Variants in AKAP6 observed in about 807,000 individuals in gnomAD.
AKAP6 encodes A-kinase anchoring protein 6.
AKAP6 carries 58 observed loss-of-function variants against 188.5 expected under a neutral mutation model. The observed-to-expected ratio is 0.31, with a 90% confidence interval of 0.25 to 0.38. The LOEUF is 0.38. Among genes scored for constraint, AKAP6 ranks in the 10% least tolerant of loss-of-function variants. AKAP6 has a pLI of 1.00. For synonymous variants in AKAP6, 989 were observed against 998.6 expected (o/e 0.99, Z 0.18); for missense variants, 2,710 against 2,740.0 (o/e 0.99, Z 0.24).
intron 1 of AKAP6, among the ~76,000 whole-genome samples, chr14:32,342,802 T>G (rs1043349084): frequency 3.9e-5 from 6 of 152,214 alleles, no homozygotes; most frequent in Non-Finnish European, 8.8e-5. Context: ...AAATTCTGTC[T>G]GATCGGAGAA....
chr14:32,712,563 A>G (rs2029945444), intron 9 of AKAP6, among the ~76,000 whole-genome samples: 1 of 152,104 alleles, frequency 6.6e-6, no homozygotes, highest in Admixed American at 6.6e-5. Flanking sequence ...AACTAAGCTT[A>G]TGTAATATTC....
At chr14:32,715,964 A>C (rs1173355890) in intron 9 of AKAP6, among the ~76,000 whole-genome samples, 4 of 151,822 alleles carry the variant, frequency 2.6e-5, no homozygotes, top group African/African-American at 9.7e-5. Flanking sequence ...TTACTATGTA[A>C]CAGAAATTGT....
intron 9 of AKAP6, among the ~76,000 whole-genome samples, chr14:32,704,715 A>G (rs892263582): frequency 6.6e-6 from 1 of 152,202 alleles, no homozygotes; most frequent in Non-Finnish European, 1.5e-5. Context: ...TTTAAAGATG[A>G]AAACCAAATA....
chr14:32,726,891 C>T lies in AKAP6; in HGVS notation c.3001-5563C>T, dbSNP rs1201311630. On this transcript the variant is annotated intron_variant, in intron 9 of 13. Transcript: ENST00000280979. ...TCCAACTGCTTCTTTTCATTCTACT[C>T]AATTCAGGCTAGGAGGATCAATCAA... Among the ~76,000 whole-genome samples, 4 of 152,178 alleles carry T rather than the reference C, an allele frequency of 2.6e-5. No homozygotes were observed. In the East Asian group the frequency reaches 7.7e-4, roughly 29 times the overall value.
chr14:32,508,632 A>G (rs1880992187), intron 2 of AKAP6, among the ~76,000 whole-genome samples: 1 of 152,242 alleles, frequency 6.6e-6, no homozygotes, highest in African/African-American at 2.4e-5. Flanking sequence ...TTGAACATTC[A>G]TAAAATGAAA....
At chr14:32,743,139 T>G (rs2139871006) in intron 11 of AKAP6, among the ~76,000 whole-genome samples, 1 of 152,234 alleles carries the variant, frequency 6.6e-6, no homozygotes, top group Non-Finnish European at 1.5e-5. Context: ...GGTCTCTTCT[T>G]ATAGTTTTTG....
At position 32,769,377 on chromosome 14, in the gene AKAP6, C is replaced by T. The variant is rs146134911; in HGVS notation, c.3373-4301C>T. On this transcript the variant is annotated intron_variant, in intron 11 of 13. Transcript: ENST00000280979. ...TTGATAATATTTAAACTAGAAGTCA[C>T]CTGTGTTTGTTCACACTTCCCTTCT... is the stretch of plus-strand genomic sequence containing the variant. 3.9e-4 allele frequency among the ~76,000 whole-genome samples: 59 copies of T among 152,032 alleles called. 1 individual carries two copies. The highest frequency in any genetic ancestry group is 4.9e-4 in the Non-Finnish European group (33 of 67,976).
At chr14:32,632,226 T>A (rs1465651144) in intron 7 of AKAP6, among the ~76,000 whole-genome samples, 4 of 152,074 alleles carry the variant, frequency 2.6e-5, no homozygotes, top group Admixed American at 2.6e-4. Flanking sequence ...GAAAAACATA[T>A]GTCGAATTAT....
At chr14:32,367,124 G>A (rs1887861262) in intron 1 of AKAP6, among the ~76,000 whole-genome samples, 1 of 152,146 alleles carries the variant, frequency 6.6e-6, no homozygotes, top group Non-Finnish European at 1.5e-5. Context: ...CCCCTGGACT[G>A]GCTCCCATGA....
chr14:32,563,910 C>T (rs1884074786), intron 4 of AKAP6, among the ~76,000 whole-genome samples: 1 of 152,132 alleles, frequency 6.6e-6, no homozygotes, highest in South Asian at 2.1e-4. Flanking sequence ...CACACAACAA[C>T]CTTATGAATA....
At chr14:32,392,041 T>A (rs1444611206) in intron 1 of AKAP6, among the ~76,000 whole-genome samples, 2 of 152,120 alleles carry the variant, frequency 1.3e-5, no homozygotes, top group Non-Finnish European at 2.9e-5. Context: ...TCATCCAGGA[T>A]TTGGGGAAAC....
At chr14:32,742,895 A>T (rs940460728) in intron 11 of AKAP6, among the ~76,000 whole-genome samples, 1 of 152,122 alleles carries the variant, frequency 6.6e-6, no homozygotes, top group Non-Finnish European at 1.5e-5. Flanking sequence ...TTTGGTCTAT[A>T]GTGCAGGCTA....
chr14:32,822,725 C>T lies in AKAP6; in HGVS notation c.4912C>T (p.Arg1638Cys), dbSNP rs759992054. 13 of 1,613,886 alleles carry T rather than the reference C, an allele frequency of 8.1e-6. No individual in the cohort carries two copies. The highest frequency in any genetic ancestry group is 1.7e-4 in the Middle Eastern group (1 of 6,058). Reference protein sequence around the residue: ...LSKRTLDLLNRLENIQSPSEQ... With the variant: ...LSKRTLDLLNCLENIQSPSEQ... ...TAAAAGAACATTAGATCTCCTGAAT[C>T]GTTTGGAGAATATCCAGAGCCCCTC... The change falls in exon 13 of 14, where the codon CGT (arginine) becomes TGT (cysteine). Residue 1638 changes from arginine (R) to cysteine (C), a missense_variant. By Grantham distance (180) the Arg-to-Cys change is radical. Transcript: ENST00000280979.
intron 9 of AKAP6, among the ~76,000 whole-genome samples, chr14:32,716,789 A>G (rs1179207085): frequency 2.0e-5 from 3 of 151,818 alleles, no homozygotes; most frequent in Non-Finnish European, 2.9e-5. Flanking sequence ...TAGTTACAAT[A>G]CATTATTTCT....
intron 10 of AKAP6, chr14:32,732,859 C>A (rs952949084): frequency 5.0e-6 from 3 of 601,122 alleles, no homozygotes; most frequent in Non-Finnish European, 8.8e-6. Context: ...TAAAATATGC[C>A]ATGTATTATG....
chr14:32,723,877 A>G (rs1361939017), intron 9 of AKAP6, among the ~76,000 whole-genome samples: 2 of 152,172 alleles, frequency 1.3e-5, no homozygotes, highest in African/African-American at 2.4e-5. Flanking sequence ...TCCTTGCCCT[A>G]CTCAATTCCT....
intron 12 of AKAP6, among the ~76,000 whole-genome samples, chr14:32,804,374 TGG>T (rs1372426629): frequency 6.6e-6 from 1 of 152,150 alleles, no homozygotes; most frequent in African/African-American, 2.4e-5. Context: ...GCTGGGCTGC[TGG>T]GGGTGACATC....
intron 1 of AKAP6, among the ~76,000 whole-genome samples, chr14:32,379,445 A>G (rs1017181858): frequency 6.6e-6 from 1 of 152,246 alleles, no homozygotes; most frequent in East Asian, 1.9e-4. Context: ...CCTGAGATAG[A>G]TGTATACTTT....
intron 2 of AKAP6, among the ~76,000 whole-genome samples, chr14:32,480,544 C>A (rs1204948935): frequency 1.3e-5 from 2 of 152,150 alleles, no homozygotes; most frequent in African/African-American, 4.8e-5. Context: ...TAAAATGACT[C>A]ATGCAACTAT....
Sources: allele counts gnomAD v4.1 joint callset (sites outside exome capture counted in the v4.1 genomes callset), GRCh38; gene constraint gnomAD v4.1.1; transcripts MANE v1.5; gene names NCBI Gene and HGNC (gene_info 2026-07-23, HGNC 2026-07-21).